Variants in NKTR observed in about 807,000 individuals in gnomAD.
NKTR encodes the protein natural killer cell triggering receptor, also known as NK-tumor recognition protein.
NKTR carries 67 observed loss-of-function variants against 156.3 expected under a neutral mutation model. The ratio of observed to expected loss-of-function variants is 0.43; its 90% CI spans 0.35 to 0.53. The LOEUF is 0.53. Ranked by LOEUF, NKTR falls within the 20% of genes least tolerant of loss-of-function variation. The pLI, the probability that NKTR is intolerant of heterozygous loss-of-function variation, is 0.01. For synonymous variants in NKTR, 640 were observed against 596.6 expected, an observed-to-expected ratio of 1.07 and a Z score of -1.06; for missense variants, 1,604 against 1,730.9, an observed-to-expected ratio of 0.93 and a Z score of 1.30.
chr3:42,646,057 A>G lies in NKTR; in HGVS notation c.*82A>G, dbSNP rs528264713. 7 of 993,806 alleles carry G rather than the reference A, an allele frequency of 7.0e-6. No individual in the cohort carries two copies. The African/African-American group carries it at 1.1e-4, about 16-fold the overall frequency. 61.6% of individuals were successfully genotyped at this position (993,806 alleles called of 1,614,324 possible). A position where few individuals can be genotyped will look rare whatever the true frequency, so the allele number is the denominator to read the frequency against. ...AAATGTAATGACAGTCTGTTGTTCT[A>G]TTTCAATATCAGAGGTGAATTTCAA... On this transcript the variant is annotated 3_prime_UTR_variant, in exon 17 of 17. Coordinates refer to ENST00000232978, the MANE Select transcript of NKTR (RefSeq NM_005385.4).
intron 2 of NKTR, chr3:42,602,466 A>G (rs1255542820): frequency 6.6e-6 from 1 of 152,254 alleles, no homozygotes. Flanking sequence ...CAGGGTGCCC[A>G]GTGTGGCTGG....
At chr3:42,631,005 T>C (rs1364168314) in intron 7 of NKTR, 166 bp from the exon 8 acceptor site, 5 of 1,416,670 alleles carry the variant, frequency 3.5e-6, no homozygotes, top group Non-Finnish European at 4.6e-6. Context: ...TTTCCTTTTA[T>C]GAAGCAGATT....
At chr3:42,636,712 A>C (rs1043800099) in intron 12 of NKTR, among the ~76,000 whole-genome samples, 156 bp from the exon 13 acceptor site, 3 of 152,254 alleles carry the variant, frequency 2.0e-5, no homozygotes, top group Non-Finnish European at 4.4e-5. Context: ...TGTCTCTGAA[A>C]GTATAACAAG....
intron 14 of NKTR, 111 bp from the exon 15 acceptor site, chr3:42,643,228 T>C: frequency 1.3e-6 from 1 of 764,942 alleles, no homozygotes; most frequent in Non-Finnish European, 2.2e-6. Flanking sequence ...AATGTAGCTG[T>C]GGGATTTCAC....
At chr3:42,601,107 C>T (rs12490472) in intron 2 of NKTR, 43 bp downstream of exon 2, 1 of 1,500,044 alleles carries the variant, frequency 6.7e-7, no homozygotes, top group Non-Finnish European at 9.0e-7. Context: ...CGAGGCCTGC[C>T]TTGGCGAAGG....
At chr3:42,621,036 C>A in intron 5 of NKTR, 1 of 978,782 alleles carries the variant, frequency 1.0e-6, no homozygotes, top group Non-Finnish European at 1.2e-6. Flanking sequence ...GATTATTGAA[C>A]TTCTTCCATG....
chr3:42,603,855 C>A (rs1007296243), intron 2 of NKTR, among the ~76,000 whole-genome samples: 2 of 151,864 alleles, frequency 1.3e-5, no homozygotes, highest in Non-Finnish European at 2.9e-5. Flanking sequence ...CCTGCCTCAG[C>A]CTCCCTAGTA....
chr3:42,643,922 A>G lies in NKTR; in HGVS notation c.4220A>G (p.Tyr1407Cys), dbSNP rs748049394. 1 of 1,613,836 alleles carries G rather than the reference A, an allele frequency of 6.2e-7. No individual in the cohort carries two copies. The highest frequency in any genetic ancestry group is 1.1e-5 in the South Asian group (1 of 91,080). Residue 1407 changes from tyrosine (Y) to cysteine (C), a missense_variant, in exon 16 of 17, where the codon TAC (tyrosine) becomes TGC (cysteine). This residue lies in a region of NKTR where 193 missense variants were observed against 220.2 expected (regional missense o/e 0.88). Coordinates refer to ENST00000232978, the MANE Select transcript of NKTR (RefSeq NM_005385.4). ...SRSRSYTYDSYYSRSRSRSRS... is the reference protein window; with the variant it reads ...SRSRSYTYDSCYSRSRSRSRS... ...AGCAGGTCCTACACCTACGATAGCTACTATAGCAGGAGTCGGAGTCGAAGT... is the reference window on the plus strand; with the variant it reads ...AGCAGGTCCTACACCTACGATAGCTGCTATAGCAGGAGTCGGAGTCGAAGT...
chr3:42,622,780 A>G (rs923505650), intron 6 of NKTR, among the ~76,000 whole-genome samples: 1 of 152,050 alleles, frequency 6.6e-6, no homozygotes, highest in African/African-American at 2.4e-5. Flanking sequence ...AGCCTTTTTA[A>G]TAGTAACTTA....
Position 42,618,997 on chromosome 3 carries a change from CTTTT to C in NKTR, c.134-8_134-5del, listed in dbSNP as rs10712209. On this transcript the variant is annotated intron_variant, in intron 3 of 16. Coordinates refer to ENST00000232978, the MANE Select transcript of NKTR (RefSeq NM_005385.4). ...ATGTATAAATAATTAAACTTCATTTCTTTTTTTTTTTTTTTTTTCCAGGAGAGAA... is the reference window on the plus strand; with the variant it reads ...ATGTATAAATAATTAAACTTCATTTCTTTTTTTTTTTTTTCCAGGAGAGAA... 1.5e-3 allele frequency: 2,029 copies of C among 1,344,184 alleles called. No individual in the cohort carries two copies. The highest frequency in any genetic ancestry group is 3.8e-3 in the South Asian group (273 of 72,646). 83.3% of individuals were successfully genotyped at this position (1,344,184 alleles called of 1,614,324 possible). A position where few individuals can be genotyped will look rare whatever the true frequency, so the allele number is the denominator to read the frequency against.
chr3:42,639,254 G>A lies in NKTR; in HGVS notation c.3550G>A (p.Glu1184Lys), dbSNP rs778803693. Residue 1184 changes from glutamate to lysine, a missense_variant, in exon 13 of 17, where the codon GAA becomes AAA. Physicochemically the swap from Glu to Lys is moderately conservative, Grantham distance 56 (BLOSUM62 1). Around this residue, in one of 6 missense-constraint regions of NKTR, gnomAD observed 1,255 missense variants for 1,243.7 expected, o/e 1.01. Coordinates refer to ENST00000232978, the MANE Select transcript of NKTR (RefSeq NM_005385.4). ...AGTAAAACAGGAAAGCAGCATGTCC[G>A]AAAGTAAAGTGTTGGGTGAAGTGGG... ...EVVKQESSMS[E>K]SKVLGEVGKQ... The A allele has an allele frequency of 6.8e-6, 11 of 1,614,070 alleles. No homozygotes were observed. The highest frequency in any genetic ancestry group is 5.5e-5 in the South Asian group (5 of 91,088).
At position 42,646,098 on chromosome 3, in the gene NKTR, A is replaced by C; in HGVS notation, c.*123A>C. ...TGAATTTCAAAAATAGACACTTCTT[A>C]ATTGTTACTGGTTCATTTACATGTG... On this transcript the variant is annotated 3_prime_UTR_variant, in exon 17 of 17. Coordinates refer to ENST00000232978, the MANE Select transcript of NKTR (RefSeq NM_005385.4). 3.2e-6 allele frequency: 2 copies of C among 617,160 alleles called. No homozygotes were observed. Among genetic ancestry groups the C allele is most frequent in the Non-Finnish European group, 2.9e-6 (1 of 343,494 alleles). The allele number at this position is 617,160 out of a possible 1,614,324, so 38.2% of individuals were successfully genotyped here. A position where few individuals can be genotyped will look rare whatever the true frequency, so the allele number is the denominator to read the frequency against.
rs562899568 is a variant in NKTR, at chr3:42,646,942, A to G, written c.*967A>G. 2 of 152,218 alleles carry G rather than the reference A, an allele frequency of 1.3e-5. No individual in the cohort carries two copies. The highest frequency in any genetic ancestry group is 2.9e-5 in the Non-Finnish European group (2 of 68,048). The allele number at this position is 152,218 out of a possible 1,614,324, so 9.4% of individuals were successfully genotyped here. ...GGCAGTAAGAGATATTGGCCACTCA[A>G]GTCTACTGTGTGTGTGTGCCTCTGG... On this transcript the variant is annotated 3_prime_UTR_variant, in exon 17 of 17. Coordinates refer to ENST00000232978, the MANE Select transcript of NKTR (RefSeq NM_005385.4).
In NKTR at chr3:42,634,653, C is replaced by A; in HGVS notation, c.970C>A (p.Pro324Thr). ...TGCACCCATTGTAAGTGATCAGAAACCATCTGTATCAAAGTCTGGACGGAA... is the reference window on the plus strand; with the variant it reads ...TGCACCCATTGTAAGTGATCAGAAAACATCTGTATCAAAGTCTGGACGGAA... ...DVAPIVSDQKPSVSKSGRKIK... is the reference protein window; with the variant it reads ...DVAPIVSDQKTSVSKSGRKIK... Residue 324 changes from proline to threonine, a missense_variant, in exon 11 of 17, where the codon CCA becomes ACA. Physicochemically the swap from Pro to Thr is conservative, Grantham distance 38. Coordinates refer to ENST00000232978, the MANE Select transcript of NKTR (RefSeq NM_005385.4). 1 of 1,604,320 alleles carries A rather than the reference C, an allele frequency of 6.2e-7. No homozygotes were observed. Among genetic ancestry groups the A allele is most frequent in the Non-Finnish European group, 8.5e-7 (1 of 1,174,244 alleles).
At chr3:42,631,413 A>G in intron 8 of NKTR, 97 bp downstream of exon 8, 1 of 1,401,062 alleles carries the variant, frequency 7.1e-7, no homozygotes, top group Non-Finnish European at 9.7e-7. Flanking sequence ...TGGTATAGCA[A>G]TAGCCCTTGG....
intron 8 of NKTR, 130 bp from the exon 9 acceptor site, chr3:42,632,471 A>C (rs1268729264): frequency 4.9e-6 from 3 of 615,548 alleles, no homozygotes; most frequent in East Asian, 5.6e-5. Context: ...ACTTGAAAAA[A>C]ACTGTCTACA....
chr3:42,608,786 G>A (rs565363544), intron 2 of NKTR, among the ~76,000 whole-genome samples: 6 of 152,138 alleles, frequency 3.9e-5, no homozygotes, highest in Non-Finnish European at 7.3e-5. Flanking sequence ...CTTTGGATGC[G>A]AATGCTAAGG....
intron 2 of NKTR, among the ~76,000 whole-genome samples, chr3:42,606,025 A>G (rs574152438): frequency 2.0e-5 from 3 of 152,130 alleles, no homozygotes; most frequent in Non-Finnish European, 4.4e-5. Flanking sequence ...GGGAGAGAAC[A>G]GTTGGATAGC....
At chr3:42,600,939 C>A in intron 1 of NKTR, 45 bp from the exon 2 acceptor site, 1 of 1,254,940 alleles carries the variant, frequency 8.0e-7, no homozygotes, top group Non-Finnish European at 1.1e-6. Flanking sequence ...CCCTCGCCCC[C>A]GCCCTCGCCC....
Sources: allele counts gnomAD v4.1 joint callset (sites outside exome capture counted in the v4.1 genomes callset), GRCh38; gene constraint gnomAD v4.1.1; regional missense constraint gnomAD v4.1.1; transcripts MANE v1.5; gene names NCBI Gene and HGNC (gene_info 2026-07-23, HGNC 2026-07-21).